ZXDC: variants seen among roughly 807,000 people sequenced by gnomAD.
ZXDC encodes ZXD family zinc finger C.
In ZXDC, 58 loss-of-function variants were observed where a neutral mutation model predicts 63.6. The ratio of observed to expected loss-of-function variants is 0.91; its 90% CI spans 0.74 to 1.13. The LOEUF (loss-of-function observed/expected upper bound fraction) is 1.13, where lower values mean the gene tolerates loss of function less well. Ranked by LOEUF, ZXDC falls within the 50% of genes most tolerant of loss-of-function variation. The probability of loss-of-function intolerance (pLI) is 0.00; values close to 1 mark genes in which losing one functional copy is unlikely to be tolerated. For synonymous variants in ZXDC, 561 were observed against 496.1 expected (o/e 1.13, Z -1.74); for missense variants, 1,133 against 1,148.9 (o/e 0.99, Z 0.20).
At chr3:126,451,607 G>A in intron 7 of ZXDC, 1 of 985,426 alleles carries the variant, frequency 1.0e-6, no homozygotes, top group South Asian at 4.7e-5. Flanking sequence ...ACCAAGGCCG[G>A]CACTGGGCTC....
intron 7 of ZXDC, chr3:126,454,566 G>C: frequency 3.0e-6 from 3 of 985,398 alleles, no homozygotes; most frequent in Non-Finnish European, 3.6e-6. Flanking sequence ...ACACACAGCG[G>C]AGAGTGTGCT....
chr3:126,445,063 C>A (rs1933831446), intron 7 of ZXDC, among the ~76,000 whole-genome samples: 1 of 152,192 alleles, frequency 6.6e-6, no homozygotes, highest in Non-Finnish European at 1.5e-5. Context: ...ACAGGAATTT[C>A]TTTTCAATCC....
chr3:126,454,570 G>T (rs183784695), intron 7 of ZXDC: 51 of 985,412 alleles, frequency 5.2e-5, no homozygotes, highest in Non-Finnish European at 5.9e-5. Flanking sequence ...ACAGCGGAGA[G>T]TGTGCTTCCC....
intron 7 of ZXDC, chr3:126,457,622 A>G: frequency 3.0e-6 from 3 of 985,498 alleles, no homozygotes; most frequent in Non-Finnish European, 3.6e-6. Context: ...CAGGATGCTA[A>G]GAAACTCACA....
At chr3:126,472,331 C>G in intron 1 of ZXDC, 26 bp from the exon 2 acceptor site, 1 of 1,593,130 alleles carries the variant, frequency 6.3e-7, no homozygotes. Flanking sequence ...ACAAACCCTG[C>G]TCAAAGCGTG....
rs903355303 is a variant in ZXDC, at chr3:126,445,940, G to T, written c.2213-3994C>A. Reference sequence around the variant, plus strand: ...GTATGTTTATCTAGGGATGCTTAAGGACATGCCAAAGCAAACAAATGGGGT... The same window carrying T: ...GTATGTTTATCTAGGGATGCTTAAGTACATGCCAAAGCAAACAAATGGGGT... On this transcript the variant is annotated intron_variant, in intron 7 of 9. Coordinates refer to ENST00000389709, the MANE Select transcript of ZXDC (RefSeq NM_025112.5). Among the ~76,000 whole-genome samples the T allele has an allele frequency of 5.9e-5, 9 of 152,154 alleles. No homozygotes were observed. In the East Asian group the frequency reaches 1.7e-3, roughly 29 times the overall value.
chr3:126,452,550 TAA>T, intron 7 of ZXDC: 8 of 985,022 alleles, frequency 8.1e-6, no homozygotes, highest in Non-Finnish European at 9.6e-6. Flanking sequence ...GAGAGAATAA[TAA>T]AGTTATTCAC....
intron 5 of ZXDC, among the ~76,000 whole-genome samples, chr3:126,463,809 G>A (rs1031365203): frequency 6.6e-6 from 1 of 152,114 alleles, no homozygotes; most frequent in Non-Finnish European, 1.5e-5. Flanking sequence ...TGGCCAGAAT[G>A]TCTATTATAT....
At position 126,462,021 on chromosome 3, in the gene ZXDC, G is replaced by A; in HGVS notation, c.1641C>T (p.Ser547=). Reference sequence around the variant, plus strand: ...TAGCAGGGAGGTTCCCTCCCAGAGAGGAGCTCACAGAAGTGACGTCAATAG... The same window carrying A: ...TAGCAGGGAGGTTCCCTCCCAGAGAAGAGCTCACAGAAGTGACGTCAATAG... ...ILTIDVTSVS[S]SLGGNLPANN... is the part of the protein sequence containing the mutation. Residue 547 remains serine, a synonymous_variant, in exon 6 of 10, where the codon TCC becomes TCT. Transcript: ENST00000389709. 1 of 1,614,132 alleles carries A rather than the reference G, an allele frequency of 6.2e-7. No homozygotes were observed. The highest frequency in any genetic ancestry group is 1.1e-5 in the South Asian group (1 of 91,082).
Position 126,461,706 on chromosome 3 carries a change from G to A in ZXDC, c.1956C>T (p.Val652=), listed in dbSNP as rs1934548819. The change falls in exon 6 of 10, where the codon GTC becomes GTT. Residue 652 remains valine, a synonymous_variant. Coordinates refer to ENST00000389709, the MANE Select transcript of ZXDC (RefSeq NM_025112.5). ...SSSTPRENAS[V]PELLAPIKVE... ...CCTTGATTGGAGCCAGCAGTTCCGGGACACTGGCATTTTCTCGGGGGGTGC... is the reference window on the plus strand; with the variant it reads ...CCTTGATTGGAGCCAGCAGTTCCGGAACACTGGCATTTTCTCGGGGGGTGC... 2 of 1,613,714 alleles carry A rather than the reference G, an allele frequency of 1.2e-6. No individual in the cohort carries two copies. Among genetic ancestry groups the A allele is most frequent in the South Asian group, 2.2e-5 (2 of 91,038 alleles).
intron 4 of ZXDC, 115 bp from the exon 5 acceptor site, chr3:126,466,440 T>C (rs1284502015): frequency 8.8e-7 from 1 of 1,130,688 alleles, no homozygotes. Context: ...CCCTGGCTAC[T>C]GGCAAGGACA....
At chr3:126,445,523 T>G (rs1933850848) in intron 7 of ZXDC, among the ~76,000 whole-genome samples, 1 of 151,926 alleles carries the variant, frequency 6.6e-6, no homozygotes, top group African/African-American at 2.4e-5. Context: ...ATATCCTGTT[T>G]TTGTGTGCAC....
chr3:126,444,507 G>A (rs1933808098), intron 7 of ZXDC, among the ~76,000 whole-genome samples: 1 of 151,812 alleles, frequency 6.6e-6, no homozygotes, highest in African/African-American at 2.4e-5. Context: ...ACTCCAGCCT[G>A]GGTGACAGAG....
intron 7 of ZXDC, among the ~76,000 whole-genome samples, chr3:126,445,859 G>A (rs753011787): frequency 5.9e-5 from 9 of 152,144 alleles, no homozygotes; most frequent in East Asian, 1.9e-4. Context: ...GTGGTATGTC[G>A]TGAACATTTA....
At chr3:126,462,562 G>GT in intron 5 of ZXDC, among the ~76,000 whole-genome samples, 1 of 152,300 alleles carries the variant, frequency 6.6e-6, no homozygotes, top group South Asian at 2.1e-4. Context: ...AAGAAGCAAA[G>GT]TAAGACTTGC....
intron 7 of ZXDC, among the ~76,000 whole-genome samples, chr3:126,445,679 G>T (rs918239330): frequency 1.3e-5 from 2 of 151,932 alleles, no homozygotes; most frequent in Non-Finnish European, 2.9e-5. Flanking sequence ...GTTCCAGCAA[G>T]GACTGCACCT....
chr3:126,453,886 C>T (rs1403437889), intron 7 of ZXDC: 3 of 984,826 alleles, frequency 3.0e-6, no homozygotes, highest in Non-Finnish European at 3.6e-6. Flanking sequence ...TCTTCTTTCA[C>T]CTGATTGTCT....
intron 7 of ZXDC, among the ~76,000 whole-genome samples, chr3:126,455,913 T>C (rs1420115363): frequency 1.3e-5 from 2 of 151,360 alleles, no homozygotes; most frequent in Non-Finnish European, 2.9e-5. Context: ...GGCAGGAGAA[T>C]GGCGTGAACC....
Position 126,459,653 on chromosome 3 carries a change from C to G in ZXDC, c.2212G>C (p.Gly738Arg), listed in dbSNP as rs376699066. The change falls in exon 7 of 10, where the codon GGA becomes CGA. Residue 738 changes from glycine to arginine, a missense_variant and splice_region_variant. Coordinates refer to ENST00000389709, the MANE Select transcript of ZXDC (RefSeq NM_025112.5). ...CCGGCTGCAGCACACACGGCCTCAC[C>G]TGCATTGCTCCCCGCTCCTCTCTGC... Reference protein sequence around the residue: ...KKQRGAGSNAGASQSTQRKIK... With the variant: ...KKQRGAGSNARASQSTQRKIK... 1.7e-5 allele frequency: 27 copies of G among 1,614,234 alleles called. No homozygotes were observed. The African/African-American group carries it at 3.3e-4, about 20-fold the overall frequency.
Sources: gnomAD v4.1 joint callset for allele counts (sites outside exome capture counted in the v4.1 genomes callset) on GRCh38, gnomAD v4.1.1 for gene constraint, MANE v1.5 for transcripts, NCBI Gene and HGNC (gene_info 2026-07-23, HGNC 2026-07-21) for gene names.